The following HYDIN variants were observed in gnomAD, a reference collection of about 807,000 sequenced individuals.
HYDIN encodes the protein HYDIN axonemal central pair apparatus protein.
A neutral mutation model predicts 403.9 loss-of-function variants in HYDIN; 132 were observed. That is an observed-to-expected ratio of 0.33 (90% CI 0.28 to 0.38). The LOEUF is 0.38. Ranked by LOEUF, HYDIN falls within the 10% of genes least tolerant of loss-of-function variation. The pLI, the probability that HYDIN is intolerant of heterozygous loss-of-function variation, is 1.00. For synonymous variants in HYDIN, 1,202 were observed against 1,891.7 expected (o/e 0.64, Z 9.46); for missense variants, 2,827 against 5,009.5 (o/e 0.56, Z 13.15).
intron 1 of HYDIN, among the ~76,000 whole-genome samples, chr16:71,224,330 G>C (rs1055518487): frequency 6.6e-6 from 1 of 152,090 alleles, no homozygotes; most frequent in Admixed American, 6.5e-5. Context: ...ACTACATATT[G>C]GGCATAGTGT....
chr16:70,997,616 C>A (rs1479195901), intron 23 of HYDIN, among the ~76,000 whole-genome samples: 1 of 151,706 alleles, frequency 6.6e-6, no homozygotes, highest in Non-Finnish European at 1.5e-5. Flanking sequence ...TTAGATGTTA[C>A]TTTCACCGGA....
chr16:71,190,244 C>T (rs979554677), intron 1 of HYDIN, among the ~76,000 whole-genome samples: 3 of 151,832 alleles, frequency 2.0e-5, no homozygotes, highest in African/African-American at 7.3e-5. Context: ...CACATTGTCT[C>T]ATACCATAAA....
chr16:70,810,216 C>G (rs955258463), intron 84 of HYDIN, among the ~76,000 whole-genome samples: 1 of 152,180 alleles, frequency 6.6e-6, no homozygotes, highest in Non-Finnish European at 1.5e-5. Flanking sequence ...GATTCTATAT[C>G]TGGGATCTCT....
Position 71,106,996 on chromosome 16 carries a change from T to C in HYDIN, c.1327+8700A>G, listed in dbSNP as rs1302856747. On this transcript the variant is annotated intron_variant, in intron 10 of 85. Transcript: ENST00000393567. The stretch of plus-strand genomic sequence containing the variant: ...AGCCATAAAAAATGATGAGTTCATG[T>C]CCTTTGTAGGGACATGGATGAAGCT... 3.4e-5 allele frequency among the ~76,000 whole-genome samples: 5 copies of C among 147,756 alleles called. No individual in the cohort carries two copies. In the East Asian group the frequency reaches 9.8e-4, roughly 29 times the overall value.
chr16:70,809,142 C>T (rs1341859544), intron 85 of HYDIN, among the ~76,000 whole-genome samples: 1 of 152,170 alleles, frequency 6.6e-6, no homozygotes, highest in African/African-American at 2.4e-5. Context: ...TCTTCAACTC[C>T]TGGCTATAGC....
At chr16:71,224,559 C>CTTTT (rs34595246) in intron 1 of HYDIN, among the ~76,000 whole-genome samples, 17 of 117,390 alleles carry the variant, frequency 1.4e-4, no homozygotes, top group African/African-American at 3.1e-4. Context: ...TAAGGTTTTT[C>CTTTT]TTTTTTTTTT....
At chr16:71,178,717 C>T (rs1190696128) in intron 4 of HYDIN, among the ~76,000 whole-genome samples, 2 of 152,102 alleles carry the variant, frequency 1.3e-5, no homozygotes, top group East Asian at 1.9e-4. Context: ...GAGTTCACTA[C>T]GTGTTAGGCA....
intron 45 of HYDIN, 64 bp from the exon 46 acceptor site, chr16:70,921,281 G>A: frequency 1.3e-6 from 2 of 1,529,464 alleles, no homozygotes; most frequent in Non-Finnish European, 1.7e-6. Context: ...AATTGCATAA[G>A]GAGGAGCAAA....
intron 2 of HYDIN, 48 bp from the exon 3 acceptor site, chr16:71,185,038 G>A: frequency 7.0e-7 from 1 of 1,431,780 alleles, no homozygotes. Flanking sequence ...TGGATGTACT[G>A]AAAAAGTGTT....
At chr16:71,194,358 C>A (rs1043481170) in intron 1 of HYDIN, among the ~76,000 whole-genome samples, 2 of 152,162 alleles carry the variant, frequency 1.3e-5, no homozygotes, top group African/African-American at 4.8e-5. Flanking sequence ...TTGCAGTGAG[C>A]CAAGATCGCA....
chr16:70,871,214 C>G (rs568620666), intron 65 of HYDIN, among the ~76,000 whole-genome samples: 46 of 151,886 alleles, frequency 3.0e-4, no homozygotes, highest in African/African-American at 1.1e-3. Flanking sequence ...TCCTAATGAA[C>G]TTTACATCAC....
rs878955454 is a variant in HYDIN, at chr16:70,992,201, T to C, written c.3654A>G (p.Thr1218=). The change falls in exon 24 of 86, where the codon ACA becomes ACG. Residue 1218 remains threonine, a synonymous_variant. Coordinates refer to ENST00000393567, the MANE Select transcript of HYDIN (RefSeq NM_001270974.2). ...NDEENQIRFV[T]LPKKPYSAPV... ...GGGCACTGTAGGGCTTCTTCGGCAA[T>C]GTCACAAACCTACCAAAGCATGGGA... is the stretch of plus-strand genomic sequence containing the variant. 2.0e-5 allele frequency: 31 copies of C among 1,584,498 alleles called. No individual in the cohort carries two copies. Among genetic ancestry groups the C allele is most frequent in the Non-Finnish European group, 2.7e-5 (31 of 1,167,782 alleles).
intron 4 of HYDIN, among the ~76,000 whole-genome samples, chr16:71,176,832 G>A (rs373693681): frequency 6.2e-4 from 95 of 152,282 alleles, no homozygotes; most frequent in African/African-American, 2.0e-3. Flanking sequence ...CTGTGTGTGA[G>A]GGACGGAGAC....
At chr16:70,859,396 T>C (rs1345091073) in intron 71 of HYDIN, among the ~76,000 whole-genome samples, 1 of 152,238 alleles carries the variant, frequency 6.6e-6, no homozygotes, top group African/African-American at 2.4e-5. Context: ...AAAGCGGTCA[T>C]CTACCAGAGA....
chr16:70,955,913 G>C (rs1177557025), intron 39 of HYDIN, among the ~76,000 whole-genome samples: 1 of 152,164 alleles, frequency 6.6e-6, no homozygotes, highest in African/African-American at 2.4e-5. Context: ...CTGCCTCCTG[G>C]TTTCAAGTGA....
intron 1 of HYDIN, among the ~76,000 whole-genome samples, chr16:71,217,039 A>G (rs184128025): frequency 5.2e-4 from 79 of 152,354 alleles, no homozygotes; most frequent in Admixed American, 7.8e-4. Flanking sequence ...TGATAGCAGT[A>G]GGTACCTTTT....
At chr16:70,984,251 G>T (rs1458894784) in intron 28 of HYDIN, among the ~76,000 whole-genome samples, 2 of 151,680 alleles carry the variant, frequency 1.3e-5, no homozygotes, top group Non-Finnish European at 2.9e-5. Flanking sequence ...AATTAGCTGG[G>T]TGTGGTGGTG....
intron 45 of HYDIN, among the ~76,000 whole-genome samples, chr16:70,931,619 A>C (rs985564964): frequency 6.6e-6 from 1 of 152,036 alleles, no homozygotes; most frequent in African/African-American, 2.4e-5. Flanking sequence ...AGATTTGAAA[A>C]GCTGATATAG....
chr16:71,172,009 T>C (rs2086482133), intron 5 of HYDIN, among the ~76,000 whole-genome samples: 1 of 152,218 alleles, frequency 6.6e-6, no homozygotes, highest in Admixed American at 6.5e-5. Context: ...ATCATTATTT[T>C]TGCCAACAAA....
Sources: gnomAD v4.1 joint callset for allele counts (sites outside exome capture counted in the v4.1 genomes callset) on GRCh38, gnomAD v4.1.1 for gene constraint, MANE v1.5 for transcripts, NCBI Gene and HGNC (gene_info 2026-07-23, HGNC 2026-07-21) for gene names.